Variants in UNC5C observed in about 807,000 individuals in gnomAD.
UNC5C encodes netrin receptor UNC5C.
Under a neutral mutation model 99.8 loss-of-function variants are expected in UNC5C, and 47 were observed. The ratio of observed to expected loss-of-function variants is 0.47; its 90% confidence interval spans 0.37 to 0.60. UNC5C has a LOEUF of 0.60. Ranked by LOEUF, UNC5C falls within the 20% of genes least tolerant of loss-of-function variation. The probability of loss-of-function intolerance (pLI) is 0.00; values close to 1 mark genes in which losing one functional copy is unlikely to be tolerated. For synonymous variants in UNC5C, 487 were observed against 452.2 expected (o/e 1.08, Z -0.98); for missense variants, 1,062 against 1,165.9 (o/e 0.91, Z 1.30).
At chr4:95,288,310 C>T (rs913331961) in intron 3 of UNC5C, among the ~76,000 whole-genome samples, 1 of 151,946 alleles carries the variant, frequency 6.6e-6, no homozygotes, top group African/African-American at 2.4e-5. Flanking sequence ...GTCTTGATCT[C>T]CTGACCTTGT....
chr4:95,210,493 T>C (rs906152693), intron 10 of UNC5C, among the ~76,000 whole-genome samples: 29 of 152,050 alleles, frequency 1.9e-4, no homozygotes, highest in Non-Finnish European at 3.1e-4. Flanking sequence ...TAGAAGAAAA[T>C]AGCAGAAAAT....
At chr4:95,509,790 A>G (rs1722019881) in intron 1 of UNC5C, among the ~76,000 whole-genome samples, 1 of 151,914 alleles carries the variant, frequency 6.6e-6, no homozygotes, top group Non-Finnish European at 1.5e-5. Context: ...GCATAATAGT[A>G]ATCAAATATA....
chr4:95,334,909 C>G (rs901206772), intron 2 of UNC5C, among the ~76,000 whole-genome samples: 1 of 151,960 alleles, frequency 6.6e-6, no homozygotes, highest in African/African-American at 2.4e-5. Flanking sequence ...AGTTAGGATT[C>G]ACTTTGGATG....
intron 4 of UNC5C, among the ~76,000 whole-genome samples, chr4:95,276,420 A>G (rs1740861527): frequency 6.6e-6 from 1 of 152,202 alleles, no homozygotes; most frequent in Non-Finnish European, 1.5e-5. Flanking sequence ...GTTTGCAGTC[A>G]TGAATCTTTA....
At chr4:95,507,016 G>C (rs1872481) in intron 1 of UNC5C, among the ~76,000 whole-genome samples, 54,082 of 151,592 alleles carry the variant, frequency 0.36, 10,650 homozygotes, top group South Asian at 0.47. Context: ...TAAATGACTA[G>C]AAATTGCACT....
rs75634330 is a variant in UNC5C, at chr4:95,253,410, G to T, written c.595-2743C>A. Among the ~76,000 whole-genome samples, 799 of 152,188 alleles carry T rather than the reference G, an allele frequency of 5.3e-3. 12 individuals carry two copies. The highest frequency in any genetic ancestry group is 0.017 in the African/African-American group (686 of 41,520). On this transcript the variant is annotated intron_variant, in intron 4 of 15. Coordinates refer to ENST00000453304, the MANE Select transcript of UNC5C (RefSeq NM_003728.4). ...AAAGATTTGAAGAGACATGATTGCTGGGTATATGATCTTCACTCGATTATA... is the reference window on the plus strand; with the variant it reads ...AAAGATTTGAAGAGACATGATTGCTTGGTATATGATCTTCACTCGATTATA...
chr4:95,301,826 TC>T (rs1454999126), intron 2 of UNC5C, 77 bp from the exon 3 acceptor site: 3 of 1,519,264 alleles, frequency 2.0e-6, no homozygotes, highest in East Asian at 2.4e-5. Flanking sequence ...ATCATATTTT[TC>T]CCCCAGTCAT....
At chr4:95,258,937 AT>A (rs1345043248) in intron 4 of UNC5C, among the ~76,000 whole-genome samples, 13 of 147,982 alleles carry the variant, frequency 8.8e-5, no homozygotes, top group Non-Finnish European at 1.8e-4. Context: ...AATTTTTTGT[AT>A]TTTTAGTAGA....
intron 3 of UNC5C, among the ~76,000 whole-genome samples, chr4:95,294,982 G>A (rs922474306): frequency 6.6e-6 from 1 of 152,098 alleles, no homozygotes; most frequent in Non-Finnish European, 1.5e-5. Context: ...ACTAGGATTC[G>A]AACATGAGTC....
chr4:95,299,403 A>T (rs1221553853), intron 3 of UNC5C, among the ~76,000 whole-genome samples: 3 of 152,194 alleles, frequency 2.0e-5, no homozygotes, highest in South Asian at 2.1e-4. Context: ...AAGCCATCCA[A>T]TCCGTGGTGT....
intron 1 of UNC5C, among the ~76,000 whole-genome samples, chr4:95,356,591 T>C (rs1744212724): frequency 6.6e-6 from 1 of 152,166 alleles, no homozygotes; most frequent in African/African-American, 2.4e-5. Flanking sequence ...AAAGACATCA[T>C]ACACACAAAT....
At chr4:95,195,128 A>G (rs1737326611) in intron 12 of UNC5C, among the ~76,000 whole-genome samples, 2 of 152,232 alleles carry the variant, frequency 1.3e-5, no homozygotes, top group South Asian at 4.1e-4. Flanking sequence ...TACGCATGGC[A>G]AACAGTGTCT....
rs1362440399 is a variant in UNC5C, at chr4:95,164,474, A to G, written c.*4760T>C. 1 of 152,228 alleles carries G rather than the reference A, an allele frequency of 6.6e-6. No individual in the cohort carries two copies. Among genetic ancestry groups the G allele is most frequent in the Non-Finnish European group, 1.5e-5 (1 of 68,040 alleles). The allele number at this position is 152,228 out of a possible 1,614,324, so 9.4% of individuals were successfully genotyped here. On this transcript the variant is annotated 3_prime_UTR_variant, in exon 16 of 16. Transcript: ENST00000453304. The stretch of plus-strand genomic sequence containing the variant: ...GGCAAAGTTCTAAAGATTTCAGTCA[A>G]TACTAGCTCAGCAAGGTTAAAGAAT...
intron 1 of UNC5C, among the ~76,000 whole-genome samples, chr4:95,343,265 G>T (rs1253243133): frequency 6.6e-6 from 1 of 152,156 alleles, no homozygotes; most frequent in Admixed American, 6.5e-5. Flanking sequence ...GGTAGAGACA[G>T]GGATGCTTAT....
chr4:95,494,951 T>C (rs1354955996), intron 1 of UNC5C, among the ~76,000 whole-genome samples: 1 of 151,460 alleles, frequency 6.6e-6, no homozygotes, highest in Non-Finnish European at 1.5e-5. Context: ...GGCCACCATA[T>C]ATAGAGAATA....
chr4:95,299,565 C>A (rs769166465), intron 3 of UNC5C, among the ~76,000 whole-genome samples: 13 of 152,064 alleles, frequency 8.5e-5, no homozygotes, highest in Admixed American at 4.6e-4. Context: ...TAAAGACATG[C>A]CCCAGATTGG....
intron 1 of UNC5C, among the ~76,000 whole-genome samples, chr4:95,466,866 T>TTGA (rs1044270445): frequency 6.6e-5 from 10 of 152,196 alleles, no homozygotes; most frequent in Non-Finnish European, 4.4e-5. Context: ...AGGTGGAGTC[T>TTGA]AACTTCATTC....
chr4:95,187,302 C>T (rs1736869212), intron 12 of UNC5C, among the ~76,000 whole-genome samples: 1 of 152,116 alleles, frequency 6.6e-6, no homozygotes, highest in Non-Finnish European at 1.5e-5. Context: ...CCCTAATTAC[C>T]TCATCAAGAC....
chr4:95,488,727 T>C (rs1721396609), intron 1 of UNC5C, among the ~76,000 whole-genome samples: 1 of 151,630 alleles, frequency 6.6e-6, no homozygotes, highest in Admixed American at 6.6e-5. Flanking sequence ...CGTAATGTGC[T>C]GAAACTTTGG....
Sources: gnomAD v4.1 joint callset for allele counts (sites outside exome capture counted in the v4.1 genomes callset) on GRCh38, gnomAD v4.1.1 for gene constraint, MANE v1.5 for transcripts, NCBI Gene and HGNC (gene_info 2026-07-23, HGNC 2026-07-21) for gene names.